Variants in KIAA1217 observed in about 807,000 individuals in gnomAD.
The protein encoded by KIAA1217 is KIAA1217.
Under a neutral mutation model 163.9 loss-of-function variants are expected in KIAA1217, and 88 were observed. That is an observed-to-expected ratio of 0.54 (90% CI 0.45 to 0.64). The LOEUF (loss-of-function observed/expected upper bound fraction) is 0.64, where lower values mean the gene tolerates loss of function less well. Ranked by LOEUF, KIAA1217 falls within the 30% of genes least tolerant of loss-of-function variation. The pLI, the probability that KIAA1217 is intolerant of heterozygous loss-of-function variation, is 0.00. For synonymous variants in KIAA1217, 903 were observed against 923.1 expected (o/e 0.98, Z 0.39); for missense variants, 2,372 against 2,475.0 (o/e 0.96, Z 0.88).
intron 2 of KIAA1217, among the ~76,000 whole-genome samples, chr10:24,338,344 G>C (rs1011058135): frequency 6.6e-6 from 1 of 152,072 alleles, no homozygotes. Context: ...CCCATTATGG[G>C]GGATCAGAAT....
intron 2 of KIAA1217, among the ~76,000 whole-genome samples, chr10:24,193,835 CACACACACACAA>C (rs1356282756): frequency 1.8e-4 from 27 of 150,634 alleles, no homozygotes; most frequent in African/African-American, 6.6e-4. Context: ...CACACACACA[CACACACACACAA>C]AGCAGTCACG....
chr10:24,477,606 G>T (rs1203987723), intron 6 of KIAA1217, among the ~76,000 whole-genome samples: 1 of 152,136 alleles, frequency 6.6e-6, no homozygotes, highest in Non-Finnish European at 1.5e-5. Context: ...TGCTCCTAAA[G>T]GATATTTACA....
At chr10:24,139,985 G>C (rs1285951848) in intron 2 of KIAA1217, among the ~76,000 whole-genome samples, 1 of 151,510 alleles carries the variant, frequency 6.6e-6, no homozygotes, top group Non-Finnish European at 1.5e-5. Flanking sequence ...TCTTCCCATA[G>C]ATCTTGGCAA....
chr10:23,902,789 A>G (rs1842008230), intron 1 of KIAA1217, among the ~76,000 whole-genome samples: 1 of 152,132 alleles, frequency 6.6e-6, no homozygotes, highest in African/African-American at 2.4e-5. Context: ...TGGTGGCTGA[A>G]CTGCCCCATT....
intron 2 of KIAA1217, among the ~76,000 whole-genome samples, chr10:24,044,284 G>A (rs574295457): frequency 1.3e-5 from 2 of 152,254 alleles, no homozygotes; most frequent in African/African-American, 2.4e-5. Context: ...CGTGGTTGTC[G>A]TAAGATCAAG....
chr10:23,987,004 G>C (rs981690144), intron 1 of KIAA1217, among the ~76,000 whole-genome samples: 2 of 152,112 alleles, frequency 1.3e-5, no homozygotes, highest in Non-Finnish European at 2.9e-5. Flanking sequence ...ATACTTAAAA[G>C]TTCTTTGCGT....
chr10:23,787,594 G>A (rs2130915856), intron 1 of KIAA1217, among the ~76,000 whole-genome samples: 1 of 152,276 alleles, frequency 6.6e-6, no homozygotes. Context: ...CTACTCAGAG[G>A]CTATGGGATG....
chr10:23,789,551 A>G (rs753621167), intron 1 of KIAA1217, among the ~76,000 whole-genome samples: 1 of 152,118 alleles, frequency 6.6e-6, no homozygotes, highest in African/African-American at 2.4e-5. Context: ...ACAGGGTATT[A>G]ATGAGGATTA....
At chr10:23,851,934 T>C (rs1839359278) in intron 1 of KIAA1217, among the ~76,000 whole-genome samples, 1 of 152,316 alleles carries the variant, frequency 6.6e-6, no homozygotes. Context: ...GATGAGCAGG[T>C]TGTGAAAATT....
chr10:23,710,396 C>T (rs1216001759), intron 1 of KIAA1217, among the ~76,000 whole-genome samples: 1 of 152,200 alleles, frequency 6.6e-6, no homozygotes, highest in East Asian at 1.9e-4. Context: ...AAGGACACTT[C>T]TGCATCTGAT....
chr10:23,850,100 C>T (rs545916375), intron 1 of KIAA1217, among the ~76,000 whole-genome samples: 2 of 152,024 alleles, frequency 1.3e-5, no homozygotes, highest in Admixed American at 1.3e-4. Flanking sequence ...ACAACGAATG[C>T]CTGAGAGTCC....
intron 2 of KIAA1217, among the ~76,000 whole-genome samples, chr10:24,361,782 G>T (rs1010981439): frequency 6.6e-6 from 1 of 151,704 alleles, no homozygotes; most frequent in Non-Finnish European, 1.5e-5. Flanking sequence ...GAGACCATCC[G>T]GGCTAACATG....
chr10:23,893,611 T>C (rs897807577), intron 1 of KIAA1217, among the ~76,000 whole-genome samples: 1 of 152,078 alleles, frequency 6.6e-6, no homozygotes, highest in Non-Finnish European at 1.5e-5. Flanking sequence ...TCTTCCCTGC[T>C]TTCTCTTGTG....
intron 2 of KIAA1217, among the ~76,000 whole-genome samples, chr10:24,337,877 G>A (rs1324605389): frequency 6.6e-6 from 1 of 151,844 alleles, no homozygotes; most frequent in Non-Finnish European, 1.5e-5. Context: ...ACTCCTGACT[G>A]CGTGATCTAC....
chr10:23,761,248 C>A (rs1448549929), intron 1 of KIAA1217, among the ~76,000 whole-genome samples: 3 of 152,046 alleles, frequency 2.0e-5, no homozygotes, highest in African/African-American at 7.2e-5. Flanking sequence ...TCTTAAAAAA[C>A]AAACAAACAA....
chr10:24,253,330 C>T (rs1182819677), intron 2 of KIAA1217, among the ~76,000 whole-genome samples: 1 of 152,184 alleles, frequency 6.6e-6, no homozygotes, highest in Admixed American at 6.5e-5. Flanking sequence ...AGCTGTCCTT[C>T]TATCTCTGTG....
intron 2 of KIAA1217, among the ~76,000 whole-genome samples, chr10:24,375,617 AG>A (rs1331877642): frequency 2.0e-5 from 3 of 152,244 alleles, no homozygotes; most frequent in Non-Finnish European, 4.4e-5. Flanking sequence ...ATGGGGCTAA[AG>A]TGTCTGAATG....
At chr10:23,846,226 G>A (rs1279907608) in intron 1 of KIAA1217, among the ~76,000 whole-genome samples, 1 of 152,066 alleles carries the variant, frequency 6.6e-6, no homozygotes, top group Admixed American at 6.6e-5. Context: ...CTCTTTTTGG[G>A]TTGCATATGA....
At chr10:23,717,689 G>T (rs1837655743) in intron 1 of KIAA1217, among the ~76,000 whole-genome samples, 1 of 152,062 alleles carries the variant, frequency 6.6e-6, no homozygotes, top group Non-Finnish European at 1.5e-5. Flanking sequence ...ATAGGGATAA[G>T]AAAAACAATA....
Sources: gnomAD v4.1 joint callset for allele counts (sites outside exome capture counted in the v4.1 genomes callset) on GRCh38, gnomAD v4.1.1 for gene constraint, MANE v1.5 for transcripts, NCBI Gene and HGNC (gene_info 2026-07-23, HGNC 2026-07-21) for gene names.